Variants in SPATA16 observed in about 807,000 individuals in gnomAD.
SPATA16 encodes the protein spermatogenesis associated 16.
SPATA16 carries 36 observed loss-of-function variants against 63.3 expected under a neutral mutation model. The ratio of observed to expected loss-of-function variants is 0.57; its 90% CI spans 0.44 to 0.75. The LOEUF (loss-of-function observed/expected upper bound fraction) is 0.75. Among genes scored for constraint, SPATA16 ranks in the 30% least tolerant of loss-of-function variants. SPATA16 has a pLI of 0.00. For synonymous variants in SPATA16, 203 were observed against 216.7 expected (o/e 0.94, Z 0.56); for missense variants, 646 against 679.3 (o/e 0.95, Z 0.54).
intron 9 of SPATA16, among the ~76,000 whole-genome samples, chr3:172,915,771 T>TA (rs750603702): frequency 1.8e-4 from 27 of 152,240 alleles, no homozygotes; most frequent in Admixed American, 5.9e-4. Context: ...TCAGTTCAGC[T>TA]AAAAAAACCC....
chr3:173,063,435 G>A (rs1736437905), intron 2 of SPATA16, among the ~76,000 whole-genome samples: 1 of 152,156 alleles, frequency 6.6e-6, no homozygotes, highest in African/African-American at 2.4e-5. Flanking sequence ...GAGAGAAAAG[G>A]GGCACGGTTC....
At chr3:172,959,073 A>G (rs535787499) in intron 5 of SPATA16, among the ~76,000 whole-genome samples, 1 of 145,182 alleles carries the variant, frequency 6.9e-6, no homozygotes, top group Non-Finnish European at 1.5e-5. Context: ...ATTTTGCTTT[A>G]ATTTCTGGAT....
At chr3:172,961,056 TTTCTTTC>T (rs199945362) in intron 5 of SPATA16, among the ~76,000 whole-genome samples, 32,729 of 105,474 alleles carry the variant, frequency 0.31, 6,218 homozygotes, top group Admixed American at 0.37. Context: ...TTCTTCTTTC[TTTCTTTC>T]TTCTTTCTTC....
intron 2 of SPATA16, among the ~76,000 whole-genome samples, chr3:173,077,368 A>C (rs1014056838): frequency 2.0e-5 from 3 of 152,216 alleles, no homozygotes; most frequent in African/African-American, 7.2e-5. Context: ...TTAGGAGAAA[A>C]GAGGTATAAA....
At chr3:173,116,051 G>T (rs1230297011) in intron 2 of SPATA16, among the ~76,000 whole-genome samples, 1 of 151,996 alleles carries the variant, frequency 6.6e-6, no homozygotes, top group East Asian at 1.9e-4. Context: ...GTGCCACTAT[G>T]CCTAGCTAAT....
intron 6 of SPATA16, among the ~76,000 whole-genome samples, chr3:172,947,501 GT>G (rs1733320871): frequency 6.6e-6 from 1 of 151,078 alleles, no homozygotes; most frequent in Non-Finnish European, 1.5e-5. Flanking sequence ...GTTAGCTTAC[GT>G]TTCGCTTGCA....
At chr3:172,910,803 T>A (rs959055926) in intron 10 of SPATA16, among the ~76,000 whole-genome samples, 1 of 152,240 alleles carries the variant, frequency 6.6e-6, no homozygotes, top group Non-Finnish European at 1.5e-5. Flanking sequence ...TGATTTCAGC[T>A]AATGACAATT....
At chr3:173,108,267 TTAAG>T (rs1462801393) in intron 2 of SPATA16, among the ~76,000 whole-genome samples, 2 of 152,202 alleles carry the variant, frequency 1.3e-5, no homozygotes, top group Non-Finnish European at 2.9e-5. Context: ...AAAGTAGTCA[TTAAG>T]TAAGTTAATT....
At chr3:172,893,826 G>A (rs191500123) in intron 10 of SPATA16, among the ~76,000 whole-genome samples, 17 of 152,334 alleles carry the variant, frequency 1.1e-4, no homozygotes, top group Non-Finnish European at 2.1e-4. Flanking sequence ...AAGATGCTGG[G>A]CTTGAATTTA....
intron 5 of SPATA16, among the ~76,000 whole-genome samples, chr3:172,959,790 A>ATATATATATATATG (rs1289405686): frequency 1.3e-4 from 3 of 23,274 alleles, no homozygotes; most frequent in African/African-American, 3.1e-4. Context: ...AATATAACAT[A>ATATATATATATATG]TATATATATA....
At chr3:172,945,857 A>T (rs1334867281) in intron 6 of SPATA16, among the ~76,000 whole-genome samples, 1 of 152,106 alleles carries the variant, frequency 6.6e-6, no homozygotes, top group African/African-American at 2.4e-5. Context: ...GCTATGCTGG[A>T]TTTGGAGTCA....
intron 3 of SPATA16, among the ~76,000 whole-genome samples, chr3:173,037,520 G>T (rs1348864750): frequency 6.6e-6 from 1 of 152,014 alleles, no homozygotes; most frequent in Non-Finnish European, 1.5e-5. Flanking sequence ...AGTCATATTT[G>T]CTAGTAAAAG....
chr3:172,912,571 C>T (rs1232544027), intron 10 of SPATA16, among the ~76,000 whole-genome samples: 3 of 152,116 alleles, frequency 2.0e-5, no homozygotes, highest in African/African-American at 7.2e-5. Flanking sequence ...ATCACCTCCT[C>T]AGCCAATTCG....
At chr3:173,063,891 A>G (rs1404292030) in intron 2 of SPATA16, among the ~76,000 whole-genome samples, 3 of 152,230 alleles carry the variant, frequency 2.0e-5, no homozygotes, top group Non-Finnish European at 2.9e-5. Context: ...TACAAAGTTT[A>G]ATAGAGTAAT....
intron 2 of SPATA16, among the ~76,000 whole-genome samples, chr3:173,083,858 A>C (rs545037327): frequency 2.6e-5 from 4 of 152,296 alleles, no homozygotes; most frequent in East Asian, 3.9e-4. Flanking sequence ...CATCATATAT[A>C]TGTACCACAT....
chr3:173,010,674 C>T (rs577933668), intron 4 of SPATA16, among the ~76,000 whole-genome samples: 2 of 152,252 alleles, frequency 1.3e-5, no homozygotes, highest in East Asian at 1.9e-4. Flanking sequence ...CCTTCCCAAA[C>T]GGATCTTGGG....
chr3:172,986,679 G>A (rs1034162986), intron 4 of SPATA16, among the ~76,000 whole-genome samples: 2 of 152,114 alleles, frequency 1.3e-5, no homozygotes, highest in Non-Finnish European at 2.9e-5. Flanking sequence ...GAGCAGGGGG[G>A]GGAATGCAGA....
Position 172,889,427 on chromosome 3 carries a change from A to C in SPATA16, c.*143T>G, listed in dbSNP as rs979908894. On this transcript the variant is annotated 3_prime_UTR_variant, in exon 11 of 11. Transcript: ENST00000351008. Reference sequence around the variant, plus strand: ...AATGAAACATAGAGTGTCTTTGGTAAAGATGAACTGAGGGGAATACCACCT... The same window carrying C: ...AATGAAACATAGAGTGTCTTTGGTACAGATGAACTGAGGGGAATACCACCT... 1 of 1,151,812 alleles carries C rather than the reference A, an allele frequency of 8.7e-7. No individual in the cohort carries two copies. Among genetic ancestry groups the C allele is most frequent in the Non-Finnish European group, 1.3e-6 (1 of 783,934 alleles). The allele number at this position is 1,151,812 out of a possible 1,614,324, so 71.3% of individuals were successfully genotyped here. A position where few individuals can be genotyped will look rare whatever the true frequency, so the allele number is the denominator to read the frequency against.
At chr3:172,979,654 C>T (rs998817709) in intron 4 of SPATA16, among the ~76,000 whole-genome samples, 2 of 151,976 alleles carry the variant, frequency 1.3e-5, no homozygotes, top group Non-Finnish European at 2.9e-5. Context: ...GCCAAAGTTG[C>T]TTTTTCTGTA....
Sources: gnomAD v4.1 joint callset for allele counts (sites outside exome capture counted in the v4.1 genomes callset) on GRCh38, gnomAD v4.1.1 for gene constraint, MANE v1.5 for transcripts, NCBI Gene and HGNC (gene_info 2026-07-23, HGNC 2026-07-21) for gene names.